WDCP: variants seen among roughly 807,000 people sequenced by gnomAD.
WDCP encodes WD repeat and coiled coil containing, also known as WD repeat and coiled-coil-containing protein.
WDCP carries 19 observed loss-of-function variants against 41.6 expected under a neutral mutation model. The ratio of observed to expected loss-of-function variants is 0.46; its 90% CI spans 0.32 to 0.67. WDCP has a LOEUF of 0.67. Ranked by LOEUF, WDCP falls within the 30% of genes least tolerant of loss-of-function variation. The pLI is 0.04. For synonymous variants in WDCP, 302 were observed against 320.8 expected (o/e 0.94, Z 0.63); for missense variants, 802 against 850.7 (o/e 0.94, Z 0.71).
Position 24,038,443 on chromosome 2 carries a change from G to T in WDCP, c.1052C>A (p.Ala351Asp), listed in dbSNP as rs371021807. Reference protein sequence around the residue: ...VPDLIAFNLKAHVVAVASNTC... With the variant: ...VPDLIAFNLKDHVVAVASNTC... Reference sequence around the variant, plus strand: ...GTTGGAAGCCACTGCCACTACGTGGGCTTTAAGATTAAATGCTATCAGATC... The same window carrying T: ...GTTGGAAGCCACTGCCACTACGTGGTCTTTAAGATTAAATGCTATCAGATC... Residue 351 changes from alanine to aspartate, a missense_variant, in exon 2 of 4, where the codon GCC becomes GAC. Around this residue, in one of 5 missense-constraint regions of WDCP, gnomAD observed 247 missense variants for 240.5 expected, o/e 1.03. Coordinates refer to ENST00000295148, the MANE Select transcript of WDCP (RefSeq NM_025203.3). 1 of 1,614,038 alleles carries T rather than the reference G, an allele frequency of 6.2e-7. No individual in the cohort carries two copies. Among genetic ancestry groups the T allele is most frequent in the East Asian group, 2.2e-5 (1 of 44,886 alleles).
Position 24,039,246 on chromosome 2 carries a change from C to T in WDCP, c.249G>A (p.Lys83=), listed in dbSNP as rs1445292110. ...TPVLLAVQHE[K]HVTVWQLCPS... ...GACACAGCTGCCACACAGTGACATG[C>T]TTCTCATGCTGGACAGCGAGTAGAA... Residue 83 remains lysine (K), a synonymous_variant, in exon 2 of 4, where the codon AAG becomes AAA. Transcript: ENST00000295148. 1.2e-6 allele frequency: 2 copies of T among 1,614,128 alleles called. No individual in the cohort carries two copies. Among genetic ancestry groups the T allele is most frequent in the Middle Eastern group, 1.6e-4 (1 of 6,084 alleles).
chr2:24,042,830 T>C (rs2150953902), intron 1 of WDCP, among the ~76,000 whole-genome samples: 1 of 151,700 alleles, frequency 6.6e-6, no homozygotes, highest in Middle Eastern at 3.4e-3. Context: ...CATCAGGAGT[T>C]CGAGACCAGC....
At chr2:24,035,718 A>G (rs1385316268) in intron 2 of WDCP, among the ~76,000 whole-genome samples, 3 of 151,460 alleles carry the variant, frequency 2.0e-5, no homozygotes, top group Non-Finnish European at 4.4e-5. Flanking sequence ...ACTTCCAAAC[A>G]AGCCTGGGCA....
chr2:24,037,772 G>C lies in WDCP; in HGVS notation c.1723C>G (p.Leu575Val), dbSNP rs769188247. 2 of 1,614,220 alleles carry C rather than the reference G, an allele frequency of 1.2e-6. No individual in the cohort carries two copies. Among genetic ancestry groups the C allele is most frequent in the Non-Finnish European group, 1.7e-6 (2 of 1,180,040 alleles). Residue 575 changes from leucine (L) to valine (V), a missense_variant, in exon 2 of 4, where the codon CTT becomes GTT. Physicochemically the swap from Leu to Val is conservative, Grantham distance 32. Around this residue, in one of 5 missense-constraint regions of WDCP, gnomAD observed 321 missense variants for 305.1 expected, o/e 1.05. Coordinates refer to ENST00000295148, the MANE Select transcript of WDCP (RefSeq NM_025203.3). ...SRNLVEMQRC[L>V]SELTNRLHNG... ...TGCAGACGGTTTGTAAGTTCAGAAA[G>C]ACACCGTTGCATTTCAACCAGGTTC... is the stretch of plus-strand genomic sequence containing the variant.
intron 1 of WDCP, among the ~76,000 whole-genome samples, chr2:24,041,682 A>G (rs1414254062): frequency 3.3e-5 from 5 of 151,004 alleles, no homozygotes; most frequent in African/African-American, 1.2e-4. Context: ...GTGAAACCCC[A>G]TCTCTACTCA....
chr2:24,045,074 A>G (rs576668682), intron 1 of WDCP, among the ~76,000 whole-genome samples: 1 of 152,354 alleles, frequency 6.6e-6, no homozygotes, highest in African/African-American at 2.4e-5. Context: ...GGACCTGAGA[A>G]GGAAGAAAGT....
In WDCP at chr2:24,039,225, C is replaced by T; in HGVS notation, c.270G>A (p.Leu90=). ...TGCTTGACTCCATAGGGCTGGGACA[C>T]AGCTGCCACACAGTGACATGCTTCT... ...QHEKHVTVWQ[L]CPSPMESSKW... The change falls in exon 2 of 4, where the codon CTG becomes CTA. Residue 90 remains leucine, a synonymous_variant. Coordinates refer to ENST00000295148, the MANE Select transcript of WDCP (RefSeq NM_025203.3). The T allele has an allele frequency of 6.2e-7, 1 of 1,614,242 alleles. No individual in the cohort carries two copies. The highest frequency in any genetic ancestry group is 8.5e-7 in the Non-Finnish European group (1 of 1,180,044).
chr2:24,033,040 AT>A (rs1663144399), intron 2 of WDCP, 94 bp from the exon 3 acceptor site: 3 of 802,962 alleles, frequency 3.7e-6, no homozygotes, highest in Non-Finnish European at 6.4e-6. Context: ...TTTTTAAAAA[AT>A]TCTTATCTAT....
chr2:24,033,905 T>C (rs1663167473), intron 2 of WDCP, among the ~76,000 whole-genome samples: 1 of 152,076 alleles, frequency 6.6e-6, no homozygotes, highest in Non-Finnish European at 1.5e-5. Flanking sequence ...AAAATAAAAC[T>C]ATACATCACT....
At chr2:24,041,821 G>A (rs1225254141) in intron 1 of WDCP, among the ~76,000 whole-genome samples, 4 of 131,338 alleles carry the variant, frequency 3.0e-5, no homozygotes, top group Non-Finnish European at 6.1e-5. Flanking sequence ...TGGCGCCACT[G>A]CACTCCAGCC....
chr2:24,036,680 G>C (rs964574930), intron 2 of WDCP, among the ~76,000 whole-genome samples: 2 of 152,164 alleles, frequency 1.3e-5, no homozygotes, highest in African/African-American at 4.8e-5. Flanking sequence ...AAAACAAAGT[G>C]AATGTCAATC....
rs770716426 is a variant in WDCP, at chr2:24,032,802, T to C, written c.1936+27A>G. 6.8e-6 allele frequency: 9 copies of C among 1,320,596 alleles called. No homozygotes were observed. In the African/African-American group the frequency reaches 1.0e-4, roughly 15 times the overall value. The allele number at this position is 1,320,596 out of a possible 1,614,324, so 81.8% of individuals were successfully genotyped here. A position where few individuals can be genotyped will look rare whatever the true frequency, so the allele number is the denominator to read the frequency against. The stretch of plus-strand genomic sequence containing the variant: ...TGGTGGGGGAGGCAAGGATGTTAGC[T>C]AGGGTCAATTTCTGAGCACGACCTA... On this transcript the variant is annotated intron_variant, in intron 3 of 3. Coordinates refer to ENST00000295148, the MANE Select transcript of WDCP (RefSeq NM_025203.3).
chr2:24,034,804 G>C (rs1311214175), intron 2 of WDCP, among the ~76,000 whole-genome samples: 1 of 151,956 alleles, frequency 6.6e-6, no homozygotes, highest in Non-Finnish European at 1.5e-5. Context: ...CGAACTCCTG[G>C]ACTCAAGTGA....
In WDCP at chr2:24,038,768, T is replaced by G. The variant is rs1663335161; in HGVS notation, c.727A>C (p.Ser243Arg). The change falls in exon 2 of 4, where the codon AGT becomes CGT. Residue 243 changes from serine to arginine, a missense_variant. Around this residue, in one of 5 missense-constraint regions of WDCP, gnomAD observed 247 missense variants for 240.5 expected, o/e 1.03. Transcript: ENST00000295148. ...ASETFNIPPN[S>R]KDMTPYALPV... ...AAAGCATACGGAGTCATGTCTTTAC[T>G]GTTAGGTGGGATATTAAAGGTTTCA... 6.2e-7 allele frequency: 1 copy of G among 1,614,222 alleles called. No homozygotes were observed.
At chr2:24,032,781 G>C (rs151236448) in intron 3 of WDCP, 48 bp downstream of exon 3, 4 of 1,026,604 alleles carry the variant, frequency 3.9e-6, no homozygotes, top group Non-Finnish European at 3.1e-6. Context: ...AACAGATGGT[G>C]GGGGAGGCAA....
chr2:24,030,147 AAAAGTT>A lies in WDCP; in HGVS notation c.*780_*785del, dbSNP rs1663062764. ...TCCCAAAACTGGATTTAAAAAAAAA[AAAAGTT>A]ATTTCAGGGACACTCATGAGTGGCC... On this transcript the variant is annotated 3_prime_UTR_variant, in exon 4 of 4. Transcript: ENST00000295148. The A allele has an allele frequency of 6.6e-6, 1 of 152,204 alleles. No homozygotes were observed. The highest frequency in any genetic ancestry group is 2.4e-5 in the African/African-American group (1 of 41,440). The allele number at this position is 152,204 out of a possible 1,614,324, so 9.4% of individuals were successfully genotyped here. A position where few individuals can be genotyped will look rare whatever the true frequency, so the allele number is the denominator to read the frequency against.
intron 3 of WDCP, 22 bp from the exon 4 acceptor site, chr2:24,031,184 C>A (rs929058209): frequency 1.9e-6 from 3 of 1,553,870 alleles, no homozygotes; most frequent in Non-Finnish European, 2.7e-6. Context: ...AATAAATACA[C>A]AGGCAATTTA....
intron 1 of WDCP, among the ~76,000 whole-genome samples, chr2:24,044,384 C>A (rs2150954971): frequency 6.6e-6 from 1 of 152,168 alleles, no homozygotes; most frequent in South Asian, 2.1e-4. Flanking sequence ...ATTCTTGTGC[C>A]TCAGCCTCCC....
intron 1 of WDCP, among the ~76,000 whole-genome samples, chr2:24,045,312 G>C (rs1277042359): frequency 6.6e-6 from 1 of 152,142 alleles, no homozygotes; most frequent in African/African-American, 2.4e-5. Context: ...GGCAAGGAAG[G>C]CAGGGCAGGC....
Sources: gnomAD v4.1 joint callset for allele counts (sites outside exome capture counted in the v4.1 genomes callset) on GRCh38, gnomAD v4.1.1 for gene constraint, gnomAD v4.1.1 regional missense constraint, MANE v1.5 for transcripts, NCBI Gene and HGNC (gene_info 2026-07-23, HGNC 2026-07-21) for gene names.